Variants in MAGOH observed in about 807,000 individuals in gnomAD.
MAGOH encodes protein mago nashi homolog.
In MAGOH, 3 loss-of-function variants were observed where a neutral mutation model predicts 20.9. The observed-to-expected ratio is 0.14, with a 90% confidence interval of 0.07 to 0.37. The LOEUF (loss-of-function observed/expected upper bound fraction) is 0.37. Ranked by LOEUF, MAGOH falls within the 10% of genes least tolerant of loss-of-function variation. MAGOH has a pLI of 1.00. For synonymous variants in MAGOH, 51 were observed against 61.0 expected, an observed-to-expected ratio of 0.84 and a Z score of 0.76; for missense variants, 66 against 178.1, an observed-to-expected ratio of 0.37 and a Z score of 3.58.
chr1:53,228,136 A>T (rs1645569194), intron 4 of MAGOH, among the ~76,000 whole-genome samples: 1 of 152,162 alleles, frequency 6.6e-6, no homozygotes, highest in South Asian at 2.1e-4. Flanking sequence ...TTTTGTAAAA[A>T]ACAATAAATT....
chr1:53,233,471 A>T, intron 3 of MAGOH, 71 bp downstream of exon 3: 1 of 1,004,966 alleles, frequency 1.0e-6, no homozygotes, highest in Non-Finnish European at 1.5e-6. Flanking sequence ...CAAAAGCTTT[A>T]AGTGGAGGAG....
intron 2 of MAGOH, 34 bp from the exon 3 acceptor site, chr1:53,233,686 T>A (rs777496763): frequency 7.3e-7 from 1 of 1,373,506 alleles, no homozygotes; most frequent in Non-Finnish European, 1.0e-6. Context: ...ATGTATGTTG[T>A]ATCCTTAAGC....
chr1:53,229,906 GA>G (rs1254151649), intron 3 of MAGOH, among the ~76,000 whole-genome samples: 5 of 152,066 alleles, frequency 3.3e-5, no homozygotes, highest in African/African-American at 9.7e-5. Flanking sequence ...GCAACAGAGT[GA>G]GACCCTGTCT....
At chr1:53,230,672 C>T (rs1645582105) in intron 3 of MAGOH, among the ~76,000 whole-genome samples, 1 of 152,054 alleles carries the variant, frequency 6.6e-6, no homozygotes. Context: ...AAGTCATCCT[C>T]CCACCTTGGC....
intron 2 of MAGOH, 146 bp downstream of exon 2, chr1:53,235,431 G>C (rs1258470596): frequency 3.0e-6 from 2 of 674,020 alleles, no homozygotes; most frequent in Non-Finnish European, 5.1e-6. Context: ...AAGATGATTT[G>C]GGAAATAATC....
At chr1:53,235,962 T>C (rs559605639) in intron 1 of MAGOH, among the ~76,000 whole-genome samples, 3 of 152,232 alleles carry the variant, frequency 2.0e-5, no homozygotes, top group Non-Finnish European at 4.4e-5. Context: ...AACTGATAAC[T>C]TACCGACACA....
intron 2 of MAGOH, among the ~76,000 whole-genome samples, chr1:53,234,231 C>T (rs1416605231): frequency 6.6e-6 from 1 of 152,184 alleles, no homozygotes. Flanking sequence ...TCACTAGACA[C>T]TGAACTTGCC....
At chr1:53,228,843 A>C in intron 4 of MAGOH, 29 bp downstream of exon 4, 1 of 1,513,544 alleles carries the variant, frequency 6.6e-7, no homozygotes, top group Non-Finnish European at 9.2e-7. Flanking sequence ...AAACAGACAC[A>C]ACTGGATATA....
chr1:53,235,592 G>A lies in MAGOH; in HGVS notation c.132C>T (p.Val44=). Residue 44 remains valine, a synonymous_variant, in exon 2 of 5, where the codon GTC becomes GTT. Transcript: ENST00000371470. ...YANNSNYKND[V]MIRKEAYVHK... ...AGGCTCATACCTCTTTTCTGATCAT[G>A]ACATCATTCTTGTAATTGCTGTTGT... is the stretch of plus-strand genomic sequence containing the variant. 1.2e-6 allele frequency: 2 copies of A among 1,613,972 alleles called. No individual in the cohort carries two copies. The highest frequency in any genetic ancestry group is 1.7e-6 in the Non-Finnish European group (2 of 1,179,922).
At chr1:53,229,153 C>T (rs1010619576) in intron 3 of MAGOH, among the ~76,000 whole-genome samples, 199 bp from the exon 4 acceptor site, 2 of 151,880 alleles carry the variant, frequency 1.3e-5, no homozygotes, top group African/African-American at 4.8e-5. Context: ...GAAGTTGTAC[C>T]CTTAAGGCCC....
Position 53,227,069 on chromosome 1 carries a change from T to C in MAGOH, c.417A>G (p.Leu139=). ...LKCLVFSLIG[L]HFKIKPI is the part of the protein sequence containing the mutation. ...TCTAGATTGGTTTAATCTTGAAGTG[T>C]AATCCAATAAGACTGAAGACCAAAC... The change falls in exon 5 of 5, where the codon TTA becomes TTG. Residue 139 remains leucine (L), a synonymous_variant. Transcript: ENST00000371470. 6.3e-7 allele frequency: 1 copy of C among 1,588,634 alleles called. No homozygotes were observed. Among genetic ancestry groups the C allele is most frequent in the Non-Finnish European group, 8.6e-7 (1 of 1,168,866 alleles).
chr1:53,234,398 G>A (rs1367121608), intron 2 of MAGOH, among the ~76,000 whole-genome samples: 1 of 148,222 alleles, frequency 6.7e-6, no homozygotes, highest in African/African-American at 2.5e-5. Flanking sequence ...TTTTGAAACG[G>A]AGCCTTGCTC....
intron 1 of MAGOH, among the ~76,000 whole-genome samples, chr1:53,235,925 G>A (rs909092561): frequency 6.6e-6 from 1 of 152,186 alleles, no homozygotes; most frequent in Non-Finnish European, 1.5e-5. Context: ...CATTTTTGCA[G>A]GTGAATGTCC....
intron 2 of MAGOH, 144 bp from the exon 3 acceptor site, chr1:53,233,796 G>A (rs1471914390): frequency 2.6e-5 from 16 of 625,524 alleles, no homozygotes; most frequent in Non-Finnish European, 3.8e-5. Flanking sequence ...GCTCAACCTC[G>A]GCATGATGCA....
Position 53,228,943 on chromosome 1 carries a change from G to T in MAGOH, c.270C>A (p.Ile90=), listed in dbSNP as rs528481424. ...AAGAAATGTGTTCATCTCCAATGAC[G>T]ATTTCAAGCTCCTAGAAACATTTTA... ...PDRVGRQELE[I]VIGDEHISFT... The change falls in exon 4 of 5, where the codon ATC becomes ATA. Residue 90 remains isoleucine (I), a synonymous_variant. Transcript: ENST00000371470. The T allele has an allele frequency of 5.6e-6, 9 of 1,610,462 alleles. No homozygotes were observed. Among genetic ancestry groups the T allele is most frequent in the Middle Eastern group, 1.6e-4 (1 of 6,080 alleles).
In MAGOH at chr1:53,238,508, C is replaced by A. The variant is rs1007870772; in HGVS notation, c.-60G>T. ...GAGCAAGCCGCACTGCCGCCGTCTGCGCCCGACACTGACGTTTGCGGCGGC... is the reference window on the plus strand; with the variant it reads ...GAGCAAGCCGCACTGCCGCCGTCTGAGCCCGACACTGACGTTTGCGGCGGC... On this transcript the variant is annotated 5_prime_UTR_variant, in exon 1 of 5. Coordinates refer to ENST00000371470, the MANE Select transcript of MAGOH (RefSeq NM_002370.4). 66 of 1,464,582 alleles carry A rather than the reference C, an allele frequency of 4.5e-5. No homozygotes were observed. The highest frequency in any genetic ancestry group is 6.0e-5 in the Non-Finnish European group (63 of 1,044,006). 90.7% of individuals were successfully genotyped at this position (1,464,582 alleles called of 1,614,324 possible).
chr1:53,227,242 G>A, intron 4 of MAGOH, 98 bp from the exon 5 acceptor site: 10 of 532,236 alleles, frequency 1.9e-5, no homozygotes, highest in Middle Eastern at 2.9e-4. Flanking sequence ...TATATTATGA[G>A]GTAATTTAAA....
chr1:53,238,331 C>G, intron 1 of MAGOH, 30 bp downstream of exon 1: 1 of 1,612,316 alleles, frequency 6.2e-7, no homozygotes. Context: ...GCCTGGTCCC[C>G]GCTCCCGGCG....
intron 3 of MAGOH, chr1:53,233,270 T>A: frequency 3.7e-6 from 1 of 271,556 alleles, no homozygotes; most frequent in South Asian, 9.0e-5. Context: ...TGGCTTTTAT[T>A]TTTTAGTTAC....
Sources: gnomAD v4.1 joint callset for allele counts (sites outside exome capture counted in the v4.1 genomes callset) on GRCh38, gnomAD v4.1.1 for gene constraint, MANE v1.5 for transcripts, NCBI Gene and HGNC (gene_info 2026-07-23, HGNC 2026-07-21) for gene names.